The following PNPLA1 variants were observed in gnomAD, a reference collection of about 807,000 sequenced individuals.
PNPLA1 encodes the protein patatin like domain 1, omega-hydroxyceramide transacylase.
Under a neutral mutation model 51.7 loss-of-function variants are expected in PNPLA1, and 36 were observed. The ratio of observed to expected loss-of-function variants is 0.70; its 90% confidence interval spans 0.53 to 0.92. The LOEUF (loss-of-function observed/expected upper bound fraction) is 0.92. Ranked by LOEUF, PNPLA1 falls within the 40% of genes least tolerant of loss-of-function variation. The probability of loss-of-function intolerance (pLI) is 0.00; values close to 1 mark genes in which losing one functional copy is unlikely to be tolerated. For synonymous variants in PNPLA1, 293 were observed against 280.1 expected (o/e 1.05, Z -0.46); for missense variants, 658 against 682.5 (o/e 0.96, Z 0.40).
chr6:36,307,788 AAT>A, intron 8 of PNPLA1, 76 bp downstream of exon 8: 1 of 1,569,748 alleles, frequency 6.4e-7, no homozygotes, highest in East Asian at 2.3e-5. Flanking sequence ...GATTCCGAGG[AAT>A]AGAGGAGAGT....
intron 7 of PNPLA1, 84 bp downstream of exon 7, chr6:36,306,460 C>A: frequency 8.2e-7 from 1 of 1,224,934 alleles, no homozygotes; most frequent in Non-Finnish European, 1.2e-6. Context: ...ACCACCTTAG[C>A]TGCCCCAGGA....
intron 1 of PNPLA1, among the ~76,000 whole-genome samples, chr6:36,257,931 G>A (rs1297229852): frequency 6.6e-6 from 1 of 152,134 alleles, no homozygotes; most frequent in Non-Finnish European, 1.5e-5. Context: ...CCGTTAAATT[G>A]GCCGAACTCT....
At chr6:36,269,153 C>T (rs187232260), upstream of PNPLA1, among the ~76,000 whole-genome samples, 157 of 152,312 alleles carry the variant, frequency 1.0e-3, no homozygotes, top group African/African-American at 3.6e-3. Flanking sequence ...GCAAGCTCCC[C>T]AGAAGCGGGG....
At chr6:36,278,124 G>C (rs1355901319) in intron 1 of PNPLA1, among the ~76,000 whole-genome samples, 1 of 152,150 alleles carries the variant, frequency 6.6e-6, no homozygotes, top group Non-Finnish European at 1.5e-5. Context: ...ATGATGTCTA[G>C]TTTGCCCATA....
At position 36,295,430 on chromosome 6, in the gene PNPLA1, T is replaced by C; in HGVS notation, c.775+6T>C. 1.2e-6 allele frequency: 2 copies of C among 1,614,084 alleles called. No homozygotes were observed. The highest frequency in any genetic ancestry group is 2.2e-5 in the South Asian group (2 of 91,070). ...TTTGTACTTGAGGCGGCTGAGTAAG[T>C]ACCGGTGGGGCCCCAGGTAAGGGCA... On this transcript the variant is annotated splice_donor_region_variant and intron_variant, in intron 5 of 8. Transcript: ENST00000636260.
rs1217137758 is a variant in PNPLA1, at chr6:36,294,589, G to C, written c.714+190G>C. Among the ~76,000 whole-genome samples, 1 of 152,158 alleles carries C rather than the reference G, an allele frequency of 6.6e-6. No individual in the cohort carries two copies. The highest frequency in any genetic ancestry group is 2.4e-5 in the African/African-American group (1 of 41,434). On this transcript the variant is annotated intron_variant, in intron 4 of 8. Transcript: ENST00000636260. The surrounding 1 kb of genome is among the most constrained non-coding windows in gnomAD (Gnocchi z 4.2). ...ATGTGACCTTGAACAAGCGCCTCAA[G>C]CTCTCCCAGCTTCAACATTCTCCCC...
chr6:36,305,773 T>C (rs1259467066), intron 6 of PNPLA1, among the ~76,000 whole-genome samples: 5 of 144,800 alleles, frequency 3.5e-5, no homozygotes, highest in East Asian at 2.0e-4. Context: ...TTTCTCTTTT[T>C]TTTTTTTTTT....
At chr6:36,287,755 AACACACAC>A (rs57750301) in intron 1 of PNPLA1, among the ~76,000 whole-genome samples, 5,110 of 148,282 alleles carry the variant, frequency 0.034, 233 homozygotes, top group African/African-American at 0.1. Context: ...GACAGACAGA[AACACACAC>A]ACACACACAC....
At position 36,294,089 on chromosome 6, in the gene PNPLA1, C is replaced by A; in HGVS notation, c.505-101C>A. 1 of 1,344,568 alleles carries A rather than the reference C, an allele frequency of 7.4e-7. No homozygotes were observed. Among genetic ancestry groups the A allele is most frequent in the Non-Finnish European group, 1.0e-6 (1 of 972,958 alleles). 83.3% of individuals were successfully genotyped at this position (1,344,568 alleles called of 1,614,324 possible). A position where few individuals can be genotyped will look rare whatever the true frequency, so the allele number is the denominator to read the frequency against. ...GGTCTTCTGGATCTTCCTTGATGGG[C>A]CCTTGAAGCTGGTGCCATATCCCAT... On this transcript the variant is annotated intron_variant, in intron 3 of 8. Transcript: ENST00000636260. This position sits in a 1 kb window ranked among gnomAD's most constrained non-coding sequence, Gnocchi z 4.2.
rs534273717 is a variant in PNPLA1 at position 36,306,088 on chromosome 6, C to T, written c.1385-204C>T. ...TGTTTCTAATGTTCCACCAAGGGTCCGAGTCAGCCGCTCCACAGATGCCGC... is the reference window on the plus strand; with the variant it reads ...TGTTTCTAATGTTCCACCAAGGGTCTGAGTCAGCCGCTCCACAGATGCCGC... On this transcript the variant is annotated intron_variant, in intron 6 of 8. Coordinates refer to ENST00000636260, the MANE Select transcript of PNPLA1 (RefSeq NM_001374623.1). 6.6e-5 allele frequency among the ~76,000 whole-genome samples: 10 copies of T among 152,248 alleles called. No individual in the cohort carries two copies. In the East Asian group the frequency reaches 9.7e-4, roughly 15 times the overall value.
At chr6:36,306,151 G>A in intron 6 of PNPLA1, 141 bp from the exon 7 acceptor site, 2 of 664,012 alleles carry the variant, frequency 3.0e-6, no homozygotes, top group Non-Finnish European at 5.0e-6. Flanking sequence ...ACATGACTCT[G>A]GTTGTAAAGA....
intron 7 of PNPLA1, among the ~76,000 whole-genome samples, chr6:36,306,862 T>C (rs151241946): frequency 8.5e-5 from 13 of 152,376 alleles, no homozygotes; most frequent in African/African-American, 3.1e-4. Flanking sequence ...AGAAAATCTT[T>C]TTTATTATGC....
At chr6:36,260,173 C>T (rs1331047416) in intron 1 of PNPLA1, among the ~76,000 whole-genome samples, 2 of 151,976 alleles carry the variant, frequency 1.3e-5, no homozygotes, top group Non-Finnish European at 2.9e-5. Flanking sequence ...TGCCTGTAGT[C>T]CTAGCTACTA....
chr6:36,299,739 T>A (rs1770973450), intron 5 of PNPLA1, among the ~76,000 whole-genome samples: 1 of 152,250 alleles, frequency 6.6e-6, no homozygotes, highest in African/African-American at 2.4e-5. Context: ...CTCTAATGAC[T>A]AATGACTTTG....
intron 5 of PNPLA1, among the ~76,000 whole-genome samples, chr6:36,295,670 G>A (rs1770838351): frequency 6.6e-6 from 1 of 152,194 alleles, no homozygotes; most frequent in Non-Finnish European, 1.5e-5. Context: ...CAGTGTCTAG[G>A]ACAGTTGTGC....
chr6:36,279,510 C>T (rs888565130), intron 1 of PNPLA1, among the ~76,000 whole-genome samples: 10 of 152,196 alleles, frequency 6.6e-5, no homozygotes, highest in Admixed American at 6.5e-4. Flanking sequence ...CTTTGTCACT[C>T]ATGCACCTAT....
chr6:36,251,106 C>T (rs1010394506), intron 1 of PNPLA1, among the ~76,000 whole-genome samples: 1 of 152,234 alleles, frequency 6.6e-6, no homozygotes, highest in Non-Finnish European at 1.5e-5. Flanking sequence ...ACCAACAGTT[C>T]TGCCTCAAAT....
At position 36,270,562 on chromosome 6, in the gene PNPLA1, C is replaced by T; in HGVS notation, c.103C>T (p.Leu35=). The part of the protein sequence containing the change: ...SFYQAGAVDA[L]RDLAPRMLET... The stretch of plus-strand genomic sequence containing the variant: ...CTACCAGGCGGGGGCTGTGGACGCC[C>T]TGCGGGACCTGGCCCCCCGGATGCT... Residue 35 remains leucine (L), a synonymous_variant, in exon 1 of 9, where the codon CTG becomes TTG. Transcript: ENST00000636260. 1 of 1,551,630 alleles carries T rather than the reference C, an allele frequency of 6.4e-7. No homozygotes were observed.
chr6:36,305,885 C>T (rs560910434), intron 6 of PNPLA1, among the ~76,000 whole-genome samples: 1 of 149,386 alleles, frequency 6.7e-6, no homozygotes, highest in Non-Finnish European at 1.5e-5. Flanking sequence ...TCCCGAGTAG[C>T]TGAGATCACA....
Sources: gnomAD v4.1 joint callset for allele counts (sites outside exome capture counted in the v4.1 genomes callset) on GRCh38, gnomAD v4.1.1 for gene constraint, Gnocchi (gnomAD v3.1) non-coding constraint, MANE v1.5 for transcripts, NCBI Gene and HGNC (gene_info 2026-07-23, HGNC 2026-07-21) for gene names.